Variants in ZBBX observed in about 807,000 individuals in gnomAD.
ZBBX encodes the protein zinc finger B-box domain-containing protein 1.
ZBBX carries 101 observed loss-of-function variants against 108.5 expected under a neutral mutation model. The ratio of observed to expected loss-of-function variants is 0.93; its 90% confidence interval spans 0.79 to 1.10. ZBBX has a LOEUF of 1.10. Among genes scored for constraint, ZBBX ranks in the 50% least tolerant of loss-of-function variants. ZBBX has a pLI of 0.00. For synonymous variants in ZBBX, 356 were observed against 323.4 expected, an observed-to-expected ratio of 1.10 and a Z score of -1.08; for missense variants, 1,009 against 941.4, an observed-to-expected ratio of 1.07 and a Z score of -0.94.
chr3:167,284,648 G>A (rs1026725437), intron 19 of ZBBX, among the ~76,000 whole-genome samples: 4 of 152,066 alleles, frequency 2.6e-5, no homozygotes, highest in Non-Finnish European at 4.4e-5. Flanking sequence ...AGTATTTAAA[G>A]GTAATTGATC....
At chr3:167,220,448 T>C in the ZBBX span, among the ~76,000 whole-genome samples, 2 of 152,030 alleles carry the variant, frequency 1.3e-5, no homozygotes, top group Non-Finnish European at 2.9e-5. Flanking sequence ...AATTCATCAA[T>C]GTGATACATC....
rs752460570 is a variant in ZBBX, at chr3:167,333,870, T to A, written c.644A>T (p.Gln215Leu). Residue 215 changes from glutamine to leucine, a missense_variant, in exon 10 of 22, where the codon CAA (glutamine) becomes CTA (leucine). By Grantham distance (113) the Gln-to-Leu change is moderately radical. Transcript: ENST00000675490. ...GAGAAGTACAGATTTGGGTTTATGT[T>A]GAATTTTACTGGTTTCCTTTGTAGA... Reference protein sequence around the residue: ...NNSTKETSKIQHKPKSVLLQR... With the variant: ...NNSTKETSKILHKPKSVLLQR... 6.2e-7 allele frequency: 1 copy of A among 1,612,404 alleles called. No homozygotes were observed. The highest frequency in any genetic ancestry group is 2.2e-5 in the East Asian group (1 of 44,746).
chr3:167,267,212 C>T (rs1725680261), intron 20 of ZBBX, among the ~76,000 whole-genome samples: 1 of 152,066 alleles, frequency 6.6e-6, no homozygotes. Context: ...TTATACTGGC[C>T]CACCATCCAT....
intron 10 of ZBBX, among the ~76,000 whole-genome samples, chr3:167,330,728 TG>T: frequency 6.7e-6 from 1 of 150,190 alleles, no homozygotes; most frequent in Non-Finnish European, 1.5e-5. Flanking sequence ...CATTCTAGTC[TG>T]TGCAACAGAG....
the ZBBX span, among the ~76,000 whole-genome samples, chr3:167,233,025 T>C: frequency 2.0e-5 from 3 of 151,748 alleles, no homozygotes; most frequent in Non-Finnish European, 4.4e-5. Flanking sequence ...ACATCCACCT[T>C]AAGGCTTAGC....
At chr3:167,309,058 G>C (rs983759496) in intron 16 of ZBBX, among the ~76,000 whole-genome samples, 1 of 152,114 alleles carries the variant, frequency 6.6e-6, no homozygotes, top group African/African-American at 2.4e-5. Flanking sequence ...CCCAGAAGTT[G>C]CCACCCCTTT....
At chr3:167,395,783 T>C (rs1748216241) in intron 1 of ZBBX, among the ~76,000 whole-genome samples, 1 of 151,944 alleles carries the variant, frequency 6.6e-6, no homozygotes, top group Admixed American at 6.6e-5. Flanking sequence ...ATGCATATCA[T>C]AAATTGCAAA....
Position 167,305,718 on chromosome 3 carries a change from G to T in ZBBX, c.1650C>A (p.Ile550=), listed in dbSNP as rs1177389731. ...APIEEKLSQD[I]KESLELSNLY... ...GATTGCTCAATTCCAAGGATTCTTT[G>T]ATGTCTTGAGATAATTTCTCCTCAA... is the stretch of plus-strand genomic sequence containing the variant. Residue 550 remains isoleucine, a synonymous_variant, in exon 17 of 22, where the codon ATC becomes ATA. Transcript: ENST00000675490. 1 of 1,611,340 alleles carries T rather than the reference G, an allele frequency of 6.2e-7. No homozygotes were observed. The highest frequency in any genetic ancestry group is 8.5e-7 in the Non-Finnish European group (1 of 1,179,116).
At chr3:167,403,999 GA>G (rs1343538925) in intron 1 of ZBBX, among the ~76,000 whole-genome samples, 1 of 152,008 alleles carries the variant, frequency 6.6e-6, no homozygotes, top group Non-Finnish European at 1.5e-5. Flanking sequence ...ACATTCTGAA[GA>G]AAAAGCAATA....
rs543552447 is a variant in ZBBX, at chr3:167,296,856, G to A, written c.1879+1449C>T. Among the ~76,000 whole-genome samples, 211 of 151,892 alleles carry A rather than the reference G, an allele frequency of 1.4e-3. 1 individual carries two copies. The highest frequency in any genetic ancestry group is 4.3e-3 in the African/African-American group (178 of 41,480). The stretch of plus-strand genomic sequence containing the variant: ...TATCAAAAGCTCAATGACATTTTTC[G>A]TAGAAATAAAAAAACCCATCATAAA... On this transcript the variant is annotated intron_variant, in intron 18 of 21. Transcript: ENST00000675490.
chr3:167,330,870 G>GA (rs1491560669), intron 10 of ZBBX, among the ~76,000 whole-genome samples: 1 of 73,076 alleles, frequency 1.4e-5, no homozygotes, highest in Non-Finnish European at 2.6e-5. Context: ...AGGAGGAGGA[G>GA]GAGAAGAAGA....
intron 15 of ZBBX, 66 bp downstream of exon 15, chr3:167,315,684 G>A (rs907662609): frequency 9.8e-6 from 11 of 1,123,518 alleles, no homozygotes; most frequent in Non-Finnish European, 1.4e-5. Context: ...TAAAAAGACA[G>A]ATGATTTTGT....
intron 1 of ZBBX, among the ~76,000 whole-genome samples, chr3:167,403,153 A>C (rs1748476892): frequency 6.6e-6 from 1 of 152,158 alleles, no homozygotes; most frequent in South Asian, 2.1e-4. Context: ...TATAATTGTC[A>C]AACTGAAATC....
chr3:167,339,824 C>G (rs951051347), intron 9 of ZBBX, among the ~76,000 whole-genome samples: 3 of 152,038 alleles, frequency 2.0e-5, no homozygotes, highest in Middle Eastern at 3.2e-3. Flanking sequence ...CTCCTTGCCT[C>G]TCACGCGTCG....
At chr3:167,327,869 A>T in intron 11 of ZBBX, 73 bp downstream of exon 11, 1 of 1,419,112 alleles carries the variant, frequency 7.0e-7, no homozygotes, top group South Asian at 1.4e-5. Context: ...AGCCAAGATC[A>T]CGCCGCTGCA....
chr3:167,257,531 T>C (rs531200416), intron 20 of ZBBX, among the ~76,000 whole-genome samples: 3 of 152,310 alleles, frequency 2.0e-5, no homozygotes, highest in South Asian at 2.1e-4. Context: ...GGGTCTATCA[T>C]AGATGGCTTT....
At chr3:167,179,919 A>G in the ZBBX span, among the ~76,000 whole-genome samples, 2 of 152,238 alleles carry the variant, frequency 1.3e-5, no homozygotes, top group Non-Finnish European at 2.9e-5. Context: ...AAGTAAGACT[A>G]TTTATAAAGG....
At chr3:167,398,364 G>A (rs1748314754) in intron 1 of ZBBX, among the ~76,000 whole-genome samples, 1 of 151,952 alleles carries the variant, frequency 6.6e-6, no homozygotes, top group East Asian at 1.9e-4. Flanking sequence ...ATATAAAAAG[G>A]CATAAGATTC....
the ZBBX span, among the ~76,000 whole-genome samples, chr3:167,192,323 T>C: frequency 6.6e-6 from 1 of 152,162 alleles, no homozygotes; most frequent in Non-Finnish European, 1.5e-5. Flanking sequence ...GGTAGTAAAT[T>C]CTCTCAACTT....
Sources: allele counts gnomAD v4.1 joint callset (sites outside exome capture counted in the v4.1 genomes callset), GRCh38; gene constraint gnomAD v4.1.1; transcripts MANE v1.5; gene names NCBI Gene and HGNC (gene_info 2026-07-23, HGNC 2026-07-21).